PCDH15: variants seen among roughly 807,000 people sequenced by gnomAD.
PCDH15 encodes the protein protocadherin-15.
PCDH15 carries 129 observed loss-of-function variants against 178.5 expected under a neutral mutation model. The observed-to-expected ratio is 0.72, with a 90% CI of 0.63 to 0.84. The LOEUF is 0.84. PCDH15 is among the 40% of genes least tolerant of loss of function. The pLI is 0.00. For synonymous variants in PCDH15, 800 were observed against 732.0 expected, an observed-to-expected ratio of 1.09 and a Z score of -1.50; for missense variants, 2,230 against 2,099.9, an observed-to-expected ratio of 1.06 and a Z score of -1.21.
intron 2 of PCDH15, among the ~76,000 whole-genome samples, chr10:55,141,627 G>A (rs937223409): frequency 6.6e-6 from 1 of 152,010 alleles, no homozygotes; most frequent in Non-Finnish European, 1.5e-5. Flanking sequence ...TCCAATAGGA[G>A]ACAGTAAAAT....
At chr10:54,644,180 C>T (rs545853796) in intron 2 of PCDH15, among the ~76,000 whole-genome samples, 46 of 150,704 alleles carry the variant, frequency 3.1e-4, no homozygotes, top group South Asian at 1.3e-3. Context: ...TAGTATTCCA[C>T]GGTGTATATG....
rs139375040 is a variant in PCDH15 at position 54,739,603 on chromosome 10, A to G, written c.-29+61322T>C. On this transcript the variant is annotated intron_variant, in intron 1 of 37. Coordinates refer to ENST00000644397, the MANE Select transcript of PCDH15 (RefSeq NM_001384140.1). ...TAAAATTTGTATGGAGCCACAAAAG[A>G]CCACAAATAGCCAAAGCAATCCAGA... 4.0e-3 allele frequency among the ~76,000 whole-genome samples: 611 copies of G among 151,806 alleles called. 2 individuals carry two copies. Among genetic ancestry groups the G allele is most frequent in the African/African-American group, 0.013 (547 of 41,476 alleles).
At chr10:54,630,042 A>G (rs1031406922) in intron 2 of PCDH15, among the ~76,000 whole-genome samples, 1 of 152,184 alleles carries the variant, frequency 6.6e-6, no homozygotes, top group Non-Finnish European at 1.5e-5. Flanking sequence ...GAGATGAAAG[A>G]TTTCTAGAAG....
At chr10:54,797,604 ATTAT>A (rs1324133880) in intron 1 of PCDH15, among the ~76,000 whole-genome samples, 1 of 151,810 alleles carries the variant, frequency 6.6e-6, no homozygotes, top group Non-Finnish European at 1.5e-5. Flanking sequence ...TGTATTTAAA[ATTAT>A]TTAGCAATTT....
At chr10:55,167,660 C>T (rs2680312) in intron 1 of PCDH15, among the ~76,000 whole-genome samples, 94,100 of 151,942 alleles carry the variant, frequency 0.62, 29,502 homozygotes, top group East Asian at 0.7. Flanking sequence ...ATCTCTCATG[C>T]ACATGTCAAG....
At chr10:55,434,767 G>A (rs1027919473) in intron 2 of PCDH15, among the ~76,000 whole-genome samples, 3 of 151,672 alleles carry the variant, frequency 2.0e-5, no homozygotes, top group Admixed American at 1.3e-4. Flanking sequence ...CACCACACCC[G>A]GCTAATTTTT....
At chr10:54,954,184 T>A (rs931697576) in intron 2 of PCDH15, among the ~76,000 whole-genome samples, 2 of 151,370 alleles carry the variant, frequency 1.3e-5, no homozygotes, top group African/African-American at 4.8e-5. Flanking sequence ...TTATCAGACA[T>A]TTTCTTACCT....
chr10:54,793,346 C>T (rs1951617653), intron 1 of PCDH15, among the ~76,000 whole-genome samples: 1 of 151,646 alleles, frequency 6.6e-6, no homozygotes, highest in African/African-American at 2.4e-5. Context: ...TTTTATACAC[C>T]CACCCAGAGG....
At chr10:54,355,633 A>G (rs1418369) in intron 5 of PCDH15, among the ~76,000 whole-genome samples, 8,185 of 152,114 alleles carry the variant, frequency 0.054, 254 homozygotes, top group Admixed American at 0.099. Flanking sequence ...TATGTATTAA[A>G]GATAAATTAT....
At chr10:54,076,972 A>G (rs2094352561) in intron 17 of PCDH15, among the ~76,000 whole-genome samples, 1 of 152,132 alleles carries the variant, frequency 6.6e-6, no homozygotes, top group Admixed American at 6.5e-5. Flanking sequence ...TTTTACTGTA[A>G]TTACTAAATA....
intron 18 of PCDH15, among the ~76,000 whole-genome samples, chr10:54,055,840 A>T (rs1227210974): frequency 6.6e-6 from 1 of 152,264 alleles, no homozygotes; most frequent in East Asian, 1.9e-4. Context: ...ATTTACTGAA[A>T]TAGATCTTTA....
At chr10:54,125,352 T>A (rs893443670) in intron 15 of PCDH15, among the ~76,000 whole-genome samples, 2 of 152,170 alleles carry the variant, frequency 1.3e-5, no homozygotes, top group Non-Finnish European at 2.9e-5. Flanking sequence ...ACCAGAAGTT[T>A]TAAAGCAGTA....
intron 3 of PCDH15, among the ~76,000 whole-genome samples, chr10:54,504,850 TG>T (rs1380294149): frequency 6.6e-6 from 1 of 152,156 alleles, no homozygotes; most frequent in Admixed American, 6.6e-5. Flanking sequence ...ACATGATTTT[TG>T]GATTGAGAAT....
At chr10:54,790,136 G>A (rs1951255381) in intron 1 of PCDH15, among the ~76,000 whole-genome samples, 1 of 151,746 alleles carries the variant, frequency 6.6e-6, no homozygotes, top group Non-Finnish European at 1.5e-5. Flanking sequence ...TTTATTTTCT[G>A]AAGAAATTGT....
intron 21 of PCDH15, among the ~76,000 whole-genome samples, chr10:53,981,619 T>G (rs796844614): frequency 0.01 from 1,567 of 150,810 alleles, 18 homozygotes; most frequent in African/African-American, 0.035. Context: ...TAGCCATATG[T>G]AGAAAGCTGA....
At chr10:55,006,952 G>A (rs1297295446) in intron 2 of PCDH15, among the ~76,000 whole-genome samples, 1 of 152,082 alleles carries the variant, frequency 6.6e-6, no homozygotes, top group Admixed American at 6.5e-5. Context: ...GATCCTTCAT[G>A]GCTTAGTGCT....
At chr10:53,952,628 G>T (rs2087179679) in intron 23 of PCDH15, among the ~76,000 whole-genome samples, 1 of 152,200 alleles carries the variant, frequency 6.6e-6, no homozygotes, top group Non-Finnish European at 1.5e-5. Context: ...GGCAATCCTT[G>T]GCTAGAAGGT....
chr10:53,827,159 G>A (rs1588965663), intron 32 of PCDH15, among the ~76,000 whole-genome samples: 1 of 152,078 alleles, frequency 6.6e-6, no homozygotes, highest in Admixed American at 6.6e-5. Context: ...ATTGTCTCCT[G>A]AAGTTGAATT....
chr10:54,237,000 G>A, intron 8 of PCDH15, 69 bp from the exon 9 acceptor site: 1 of 1,325,524 alleles, frequency 7.5e-7, no homozygotes, highest in Non-Finnish European at 1.1e-6. Context: ...TGAGACAGAT[G>A]CTTTAGTTTG....
Sources: allele counts gnomAD v4.1 joint callset (sites outside exome capture counted in the v4.1 genomes callset), GRCh38; gene constraint gnomAD v4.1.1; transcripts MANE v1.5; gene names NCBI Gene and HGNC (gene_info 2026-07-23, HGNC 2026-07-21).